SGCD: variants seen among roughly 807,000 people sequenced by gnomAD.
SGCD encodes the protein sarcoglycan delta, also known as delta-sarcoglycan.
SGCD carries 18 observed loss-of-function variants against 36.6 expected under a neutral mutation model. The observed-to-expected ratio is 0.49, with a 90% confidence interval of 0.34 to 0.73. The LOEUF (loss-of-function observed/expected upper bound fraction) is 0.73, where lower values mean the gene tolerates loss of function less well. Ranked by LOEUF, SGCD falls within the 30% of genes least tolerant of loss-of-function variation. The pLI is 0.01. For missense variants in SGCD, 387 were observed against 346.7 expected, an observed-to-expected ratio of 1.12 and a Z score of -0.92; for synonymous variants, 133 against 130.6, an observed-to-expected ratio of 1.02 and a Z score of -0.12.
upstream of SGCD, among the ~76,000 whole-genome samples, chr5:155,866,883 G>A (rs1045157603): frequency 6.6e-6 from 1 of 152,180 alleles, no homozygotes; most frequent in East Asian, 1.9e-4. Context: ...AGACTTTATG[G>A]AGAACTTTGG....
chr5:156,157,640 A>AG (rs1464961010), intron 3 of SGCD, among the ~76,000 whole-genome samples: 1 of 151,762 alleles, frequency 6.6e-6, no homozygotes, highest in African/African-American at 2.4e-5. Flanking sequence ...TATAAACAAG[A>AG]GGTTTTCTCC....
intron 3 of SGCD, among the ~76,000 whole-genome samples, chr5:156,477,462 C>T (rs1323776172): frequency 6.6e-6 from 1 of 152,084 alleles, no homozygotes; most frequent in Non-Finnish European, 1.5e-5. Context: ...CACAAACAAT[C>T]TCATTTCAAT....
rs551617070 is a variant in SGCD, at chr5:156,306,501, C to A, written c.-43-23033C>A. Among the ~76,000 whole-genome samples, 33 of 152,296 alleles carry A rather than the reference C, an allele frequency of 2.2e-4. No individual in the cohort carries two copies. In the South Asian group the frequency reaches 6.2e-3, roughly 29 times the overall value. ...CCAGTTTTGGGTATGTCTTTATCAG[C>A]AGCATGAAAAGGGACTAATATAGTA... On this transcript the variant is annotated intron_variant, in intron 3 of 9. Transcript: ENST00000517913.
At chr5:156,368,649 A>AC (rs143605360) in intron 3 of SGCD, among the ~76,000 whole-genome samples, 3,456 of 152,112 alleles carry the variant, frequency 0.023, 136 homozygotes, top group African/African-American at 0.078. Flanking sequence ...TTGCATTACC[A>AC]CCTGAGCTCC....
intron 1 of SGCD, among the ~76,000 whole-genome samples, chr5:155,974,265 C>T (rs1758064571): frequency 6.6e-6 from 1 of 152,054 alleles, no homozygotes; most frequent in Non-Finnish European, 1.5e-5. Context: ...GAGACCCAGG[C>T]AAGTTACATG....
At chr5:156,011,471 C>T (rs762427718) in intron 1 of SGCD, among the ~76,000 whole-genome samples, 5 of 151,478 alleles carry the variant, frequency 3.3e-5, no homozygotes, top group Admixed American at 6.6e-5. Context: ...AGATGAGTCT[C>T]GGTCTGTTGC....
intron 7 of SGCD, among the ~76,000 whole-genome samples, chr5:156,658,631 C>G (rs1581349260): frequency 1.3e-5 from 1 of 79,912 alleles, no homozygotes; most frequent in South Asian, 5.1e-4. Flanking sequence ...CTTCTTTCTA[C>G]ACAGACACAG....
chr5:156,002,898 G>C (rs1758691796), intron 1 of SGCD, among the ~76,000 whole-genome samples: 1 of 152,162 alleles, frequency 6.6e-6, no homozygotes, highest in African/African-American at 2.4e-5. Context: ...AATTTGCCAA[G>C]GATAAAAATC....
chr5:156,765,857 T>C lies in SGCD; in HGVS notation c.*6467T>C, dbSNP rs768279540. ...TACTAGGTTTTAAACTAGATCTTCC[T>C]TGGTAGATGAAGCTATAGAACTTCT... On this transcript the variant is annotated 3_prime_UTR_variant, in exon 9 of 9. Coordinates refer to ENST00000337851, the MANE Select transcript of SGCD (RefSeq NM_000337.6). The C allele has an allele frequency of 3.9e-5, 6 of 152,152 alleles. No individual in the cohort carries two copies. Among genetic ancestry groups the C allele is most frequent in the Admixed American group, 2.0e-4 (3 of 15,274 alleles). 9.4% of individuals were successfully genotyped at this position (152,152 alleles called of 1,614,324 possible). A position where few individuals can be genotyped will look rare whatever the true frequency, so the allele number is the denominator to read the frequency against.
At chr5:155,841,010 CAAAAAAAAA>C in the SGCD span, among the ~76,000 whole-genome samples, 2 of 61,080 alleles carry the variant, frequency 3.3e-5, no homozygotes, top group Non-Finnish European at 5.4e-5. Context: ...GACTCCATCT[CAAAAAAAAA>C]AAAAAAAAAA....
chr5:156,147,938 G>A (rs1014321475), intron 3 of SGCD, among the ~76,000 whole-genome samples: 3 of 152,120 alleles, frequency 2.0e-5, no homozygotes, highest in Non-Finnish European at 4.4e-5. Context: ...GAAATAAAAA[G>A]GAAGAAATTA....
At chr5:156,181,880 G>A (rs1013285243) in intron 3 of SGCD, among the ~76,000 whole-genome samples, 1 of 152,148 alleles carries the variant, frequency 6.6e-6, no homozygotes, top group African/African-American at 2.4e-5. Context: ...TCATTTATGA[G>A]GCAAAGAATG....
At chr5:156,252,329 G>A (rs1282929974) in intron 3 of SGCD, among the ~76,000 whole-genome samples, 11 of 151,972 alleles carry the variant, frequency 7.2e-5, no homozygotes, top group African/African-American at 1.9e-4. Context: ...CACCCACCTC[G>A]GCCTCCCAAC....
At chr5:156,758,783 T>TAGAA (rs1554137236) in intron 8 of SGCD, among the ~76,000 whole-genome samples, 7 of 146,510 alleles carry the variant, frequency 4.8e-5, no homozygotes, top group Non-Finnish European at 8.9e-5. Flanking sequence ...CATAAATTGT[T>TAGAA]AGAAAAAAAA....
intron 3 of SGCD, among the ~76,000 whole-genome samples, chr5:156,505,084 G>A (rs1756637293): frequency 6.6e-6 from 1 of 152,220 alleles, no homozygotes; most frequent in East Asian, 1.9e-4. Context: ...CCAGCTATCA[G>A]AAATGATCAC....
chr5:156,417,159 T>G (rs1433484044), intron 3 of SGCD, among the ~76,000 whole-genome samples: 1 of 152,190 alleles, frequency 6.6e-6, no homozygotes, highest in Non-Finnish European at 1.5e-5. Flanking sequence ...GATAATGTGA[T>G]GATGCTTCAA....
At chr5:156,068,013 G>C (rs1760386204) in intron 1 of SGCD, among the ~76,000 whole-genome samples, 1 of 149,708 alleles carries the variant, frequency 6.7e-6, no homozygotes, top group East Asian at 2.0e-4. Context: ...TAGAAATTTT[G>C]TTGAAACAAG....
At chr5:156,148,171 T>A (rs1443112094) in intron 3 of SGCD, among the ~76,000 whole-genome samples, 3 of 152,172 alleles carry the variant, frequency 2.0e-5, no homozygotes, top group Non-Finnish European at 4.4e-5. Context: ...AACCACATAA[T>A]GAACAACAAA....
In SGCD at chr5:156,409,760, C is replaced by T. The variant is rs116732264; in HGVS notation, c.192+65083C>T. Among the ~76,000 whole-genome samples, 205 of 152,300 alleles carry T rather than the reference C, an allele frequency of 1.3e-3. 1 individual carries two copies. The highest frequency in any genetic ancestry group is 4.8e-3 in the African/African-American group (200 of 41,558). On this transcript the variant is annotated intron_variant, in intron 3 of 8. Coordinates refer to ENST00000337851, the MANE Select transcript of SGCD (RefSeq NM_000337.6). ...AATAATGGATAAATAGTCCTATCTA[C>T]TCCTATGCTAAACAGCTGACACATG...
Sources: gnomAD v4.1 joint callset for allele counts (sites outside exome capture counted in the v4.1 genomes callset) on GRCh38, gnomAD v4.1.1 for gene constraint, MANE v1.5 for transcripts, NCBI Gene and HGNC (gene_info 2026-07-23, HGNC 2026-07-21) for gene names.